Variants in CD99L2 observed in about 807,000 individuals in gnomAD.
The protein encoded by CD99L2 is CD99 antigen-like protein 2.
In CD99L2, 24 loss-of-function variants were observed where a neutral mutation model predicts 27.3. The observed-to-expected ratio is 0.88, with a 90% CI of 0.64 to 1.24. The LOEUF (loss-of-function observed/expected upper bound fraction) is 1.24. CD99L2 is among the 50% of genes most tolerant of loss of function. The pLI is 0.00. For missense variants in CD99L2, 255 were observed against 221.6 expected (o/e 1.15, Z -0.96); for synonymous variants, 97 against 87.9 (o/e 1.10, Z -0.58).
intron 4 of CD99L2, among the ~76,000 whole-genome samples, chrX:150,811,732 C>A (rs1261913709): frequency 9.0e-6 from 1 of 111,607 alleles, no homozygotes; most frequent in Non-Finnish European, 1.9e-5. Flanking sequence ...ATTCAACGGG[C>A]AGATAGTCTT....
intron 7 of CD99L2, among the ~76,000 whole-genome samples, chrX:150,785,677 G>A (rs1366571398): frequency 1.8e-5 from 2 of 111,520 alleles, no homozygotes; most frequent in African/African-American, 6.5e-5. Flanking sequence ...CGCAGCCACA[G>A]ATCTCATTTC....
At chrX:150,886,708 C>T (rs185224303) in intron 1 of CD99L2, among the ~76,000 whole-genome samples, 9 of 112,308 alleles carry the variant, frequency 8.0e-5, no homozygotes, top group Non-Finnish European at 1.7e-4. Context: ...GTTGACAAGA[C>T]TAGGGAGGGG....
chrX:150,866,779 A>G (rs1172711071), intron 1 of CD99L2, among the ~76,000 whole-genome samples: 1 of 111,828 alleles, frequency 8.9e-6, no homozygotes, highest in Non-Finnish European at 1.9e-5. Context: ...TGATTTGATC[A>G]TTACACATGA....
chrX:150,780,820 C>T (rs2045498882), intron 7 of CD99L2, among the ~76,000 whole-genome samples: 1 of 112,415 alleles, frequency 8.9e-6, no homozygotes, highest in Non-Finnish European at 1.9e-5. Flanking sequence ...TAGCATTTTG[C>T]TCTGAACAAA....
At chrX:150,844,115 A>T (rs1294638183) in intron 1 of CD99L2, among the ~76,000 whole-genome samples, 1 of 112,135 alleles carries the variant, frequency 8.9e-6, no homozygotes, top group African/African-American at 3.2e-5. Context: ...CTGCTAATGG[A>T]CGGGTGGGGA....
chrX:150,793,894 C>CT (rs1449751665), intron 6 of CD99L2, 138 bp from the exon 7 acceptor site: 6 of 428,440 alleles, frequency 1.4e-5, no homozygotes, highest in Non-Finnish European at 2.3e-5. Context: ...CTAAGAGGTC[C>CT]CCCCAGACCC....
chrX:150,867,836 T>C (rs2124336180), intron 1 of CD99L2, among the ~76,000 whole-genome samples: 1 of 88,879 alleles, frequency 1.1e-5, no homozygotes, highest in South Asian at 5.6e-4. Flanking sequence ...GAGGTTGTAG[T>C]GAGCCGAGAT....
intron 1 of CD99L2, among the ~76,000 whole-genome samples, chrX:150,877,147 A>C (rs932293940): frequency 8.2e-5 from 9 of 110,168 alleles, no homozygotes; most frequent in Non-Finnish European, 1.3e-4. Flanking sequence ...AGAAAGAAAG[A>C]AACAAAAAAG....
chrX:150,769,135 G>A (rs368351015), intron 10 of CD99L2, 34 bp from the exon 11 acceptor site: 130 of 1,147,582 alleles, frequency 1.1e-4, no homozygotes, highest in Non-Finnish European at 1.4e-5. Flanking sequence ...AAGGAATTCT[G>A]CTCTGTCTTG....
At chrX:150,830,604 A>G (rs1362298324) in intron 2 of CD99L2, among the ~76,000 whole-genome samples, 1 of 110,326 alleles carries the variant, frequency 9.1e-6, no homozygotes, top group African/African-American at 3.3e-5. Flanking sequence ...GGAGAAACAA[A>G]TCTTTTATTC....
intron 7 of CD99L2, among the ~76,000 whole-genome samples, chrX:150,786,073 T>A (rs1411367546): frequency 4.5e-5 from 5 of 111,880 alleles, no homozygotes; most frequent in African/African-American, 1.6e-4. Flanking sequence ...TTGACATCCC[T>A]ACCAATGATG....
chrX:150,819,020 T>C, intron 2 of CD99L2: 1 of 315,471 alleles, frequency 3.2e-6, no homozygotes. Flanking sequence ...AACTTCAACC[T>C]GAAGCATACA....
chrX:150,772,189 G>C (rs1020089488), intron 9 of CD99L2, among the ~76,000 whole-genome samples: 1 of 112,817 alleles, frequency 8.9e-6, no homozygotes, highest in African/African-American at 3.2e-5. Context: ...TCTGGCCCGG[G>C]CCAGGTGCCA....
rs782042738 is a variant in CD99L2 at position 150,861,918 on chromosome X, AG to A, written c.68-30626del. 7.2e-3 allele frequency among the ~76,000 whole-genome samples: 475 copies of A among 65,754 alleles called. 7 individuals carry two copies. Among genetic ancestry groups the A allele is most frequent in the Middle Eastern group, 0.023 (3 of 133 alleles). 57.1% of individuals were successfully genotyped at this position (65,754 alleles called of 115,157 possible). On this transcript the variant is annotated intron_variant, in intron 1 of 10. Transcript: ENST00000370377. ...GAGACTCTTTCTCAAAAAAAAAAAA[AG>A]AGAGAGAGAGAGAGAGAGTACTATA...
At chrX:150,788,655 A>G (rs1253681712) in intron 7 of CD99L2, among the ~76,000 whole-genome samples, 1 of 112,113 alleles carries the variant, frequency 8.9e-6, no homozygotes, top group Non-Finnish European at 1.9e-5. Context: ...ATTTCAGGAA[A>G]GTCATTTGAT....
chrX:150,868,096 T>C (rs1236375525), intron 1 of CD99L2, among the ~76,000 whole-genome samples: 6 of 103,306 alleles, frequency 5.8e-5, no homozygotes, highest in African/African-American at 2.1e-4. Context: ...ATAATAATAA[T>C]AATAATAATA....
intron 10 of CD99L2, among the ~76,000 whole-genome samples, chrX:150,769,689 GCC>G (rs2043393375): frequency 1.0e-5 from 1 of 99,968 alleles, no homozygotes; most frequent in Non-Finnish European, 1.9e-5. Context: ...GCGCCACCAG[GCC>G]TCGGCTGCTC....
At chrX:150,775,715 C>T (rs1486875796) in intron 9 of CD99L2, among the ~76,000 whole-genome samples, 3 of 112,411 alleles carry the variant, frequency 2.7e-5, no homozygotes, top group Non-Finnish European at 5.6e-5. Context: ...CAATAAGGGC[C>T]GTGCTTTGCA....
intron 1 of CD99L2, among the ~76,000 whole-genome samples, chrX:150,860,092 A>G (rs1447954984): frequency 9.0e-6 from 1 of 111,652 alleles, no homozygotes; most frequent in African/African-American, 3.3e-5. Context: ...AAATAATAGC[A>G]AACTGAATTA....
Sources: gnomAD v4.1 joint callset for allele counts (sites outside exome capture counted in the v4.1 genomes callset) on GRCh38, gnomAD v4.1.1 for gene constraint, MANE v1.5 for transcripts, NCBI Gene and HGNC (gene_info 2026-07-23, HGNC 2026-07-21) for gene names.